The following VHL variants were observed in gnomAD, a reference collection of about 807,000 sequenced individuals.
The protein encoded by VHL is von Hippel-Lindau disease tumor suppressor.
In VHL, 10 loss-of-function variants were observed where a neutral mutation model predicts 19.2. That is an observed-to-expected ratio of 0.52 (90% CI 0.32 to 0.89). The LOEUF (loss-of-function observed/expected upper bound fraction) is 0.89. Ranked by LOEUF, VHL falls within the 40% of genes least tolerant of loss-of-function variation. The probability of loss-of-function intolerance (pLI) is 0.03; values close to 1 mark genes in which losing one functional copy is unlikely to be tolerated. For missense variants in VHL, 328 were observed against 292.7 expected, an observed-to-expected ratio of 1.12 and a Z score of -0.88; for synonymous variants, 167 against 129.5, an observed-to-expected ratio of 1.29 and a Z score of -1.97.
In VHL at chr3:10,153,004, C is replaced by T. The variant is rs564685386; in HGVS notation, c.*3039C>T. Among the ~76,000 whole-genome samples, 77 of 152,016 alleles carry T rather than the reference C, an allele frequency of 5.1e-4. No homozygotes were observed. The highest frequency in any genetic ancestry group is 1.8e-3 in the African/African-American group (73 of 41,502). On this transcript the variant is annotated 3_prime_UTR_variant, in exon 3 of 3. Coordinates refer to ENST00000256474, the MANE Select transcript of VHL (RefSeq NM_000551.4). The stretch of plus-strand genomic sequence containing the variant: ...CTTAAAATACAAAAATTGCCGGCCG[C>T]GGCGGCTCATGCCTGTAATCCCAGC...
chr3:10,142,330 G>C (rs1179716322), intron 1 of VHL, 143 bp downstream of exon 1: 8 of 692,610 alleles, frequency 1.2e-5, no homozygotes, highest in Admixed American at 9.5e-5. Context: ...GCTCGTAAGC[G>C]TCAGAGCATT....
chr3:10,143,326 G>C (rs951113131), intron 1 of VHL, among the ~76,000 whole-genome samples: 1 of 151,750 alleles, frequency 6.6e-6, no homozygotes, highest in Admixed American at 6.6e-5. Flanking sequence ...CGGGGGTTTC[G>C]TCATTTTGGC....
intron 1 of VHL, among the ~76,000 whole-genome samples, chr3:10,143,498 A>G (rs1357745130): frequency 6.6e-6 from 1 of 152,034 alleles, no homozygotes; most frequent in Non-Finnish European, 1.5e-5. Flanking sequence ...GCCAGACTGG[A>G]GTGCTGTTGC....
At chr3:10,144,548 G>T (rs1219691486) in intron 1 of VHL, among the ~76,000 whole-genome samples, 1 of 148,154 alleles carries the variant, frequency 6.7e-6, no homozygotes, top group African/African-American at 2.5e-5. Flanking sequence ...CTGGGCTGGA[G>T]TGTGGAGGCT....
At position 10,150,120 on chromosome 3, in the gene VHL, C is replaced by A; in HGVS notation, c.*155C>A. 6.6e-7 allele frequency: 1 copy of A among 1,514,550 alleles called. No individual in the cohort carries two copies. The highest frequency in any genetic ancestry group is 8.8e-7 in the Non-Finnish European group (1 of 1,131,816). 93.8% of individuals were successfully genotyped at this position (1,514,550 alleles called of 1,614,324 possible). On this transcript the variant is annotated 3_prime_UTR_variant, in exon 3 of 3. Coordinates refer to ENST00000256474, the MANE Select transcript of VHL (RefSeq NM_000551.4). ...TGCTTAAAAGAAAGTTAACTGACTT[C>A]ACTAGGCATTGTGATGTTTAGGGGC...
Position 10,151,234 on chromosome 3 carries a change from C to T in VHL, c.*1269C>T, listed in dbSNP as rs1290200239. The stretch of plus-strand genomic sequence containing the variant: ...CAGGTGGCACTTCCACCTCCAGCCT[C>T]TGGTCCTACCAATGGATTCATGGAG... On this transcript the variant is annotated 3_prime_UTR_variant, in exon 3 of 3. Coordinates refer to ENST00000256474, the MANE Select transcript of VHL (RefSeq NM_000551.4). The T allele has an allele frequency of 4.9e-6, 1 of 204,444 alleles. No individual in the cohort carries two copies. Among genetic ancestry groups the T allele is most frequent in the South Asian group, 1.9e-4 (1 of 5,270 alleles). 12.7% of individuals were successfully genotyped at this position (204,444 alleles called of 1,614,324 possible). A position where few individuals can be genotyped will look rare whatever the true frequency, so the allele number is the denominator to read the frequency against.
At position 10,141,824 on chromosome 3, in the gene VHL, C is replaced by G. The variant is rs1267337599; in HGVS notation, c.-24C>G. The stretch of plus-strand genomic sequence containing the variant: ...CCCGCGGATCCCGCGGCGTCCGGCC[C>G]GGGTGGTCTGGATCGCGGAGGGAAT... On this transcript the variant is annotated 5_prime_UTR_variant, in exon 1 of 3. Coordinates refer to ENST00000256474, the MANE Select transcript of VHL (RefSeq NM_000551.4). 1.1e-5 allele frequency: 17 copies of G among 1,536,524 alleles called. No individual in the cohort carries two copies. The highest frequency in any genetic ancestry group is 2.5e-5 in the East Asian group (1 of 40,424).
Position 10,150,090 on chromosome 3 carries a change from A to G in VHL, c.*125A>G. On this transcript the variant is annotated 3_prime_UTR_variant, in exon 3 of 3. Coordinates refer to ENST00000256474, the MANE Select transcript of VHL (RefSeq NM_000551.4). ...GTCTCATTCTCAGAGTAAAATAGGC[A>G]CCATTGCTTAAAAGAAAGTTAACTG... 6.5e-7 allele frequency: 1 copy of G among 1,534,100 alleles called. No individual in the cohort carries two copies. Among genetic ancestry groups the G allele is most frequent in the Admixed American group, 2.0e-5 (1 of 50,354 alleles).
In VHL at chr3:10,142,977, G is replaced by A. The variant is rs527534541; in HGVS notation, c.340+790G>A. 9.8e-5 allele frequency: 15 copies of A among 152,492 alleles called. No homozygotes were observed. Among genetic ancestry groups the A allele is most frequent in the African/African-American group, 3.4e-4 (14 of 41,576 alleles). The allele number at this position is 152,492 out of a possible 1,614,324, so 9.4% of individuals were successfully genotyped here. Reference sequence around the variant, plus strand: ...TGGTTTCAGTTAAGGAGCACTTCCCGGAGAAGGAAGAGAGCAGGATGGAGT... The same window carrying A: ...TGGTTTCAGTTAAGGAGCACTTCCCAGAGAAGGAAGAGAGCAGGATGGAGT... On this transcript the variant is annotated intron_variant, in intron 1 of 2. Coordinates refer to ENST00000256474, the MANE Select transcript of VHL (RefSeq NM_000551.4).
chr3:10,145,087 G>A (rs372680126), intron 1 of VHL, among the ~76,000 whole-genome samples: 14 of 152,082 alleles, frequency 9.2e-5, no homozygotes, highest in East Asian at 1.9e-4. Context: ...CCAGCTACTC[G>A]GGAGGCTGAG....
chr3:10,144,754 T>A (rs1219330398), intron 1 of VHL, among the ~76,000 whole-genome samples: 2 of 152,038 alleles, frequency 1.3e-5, no homozygotes, highest in African/African-American at 4.8e-5. Context: ...ATCTCTTTTT[T>A]ATTTTTTTAA....
rs148335149 is a variant in VHL at position 10,151,989 on chromosome 3, A to T, written c.*2024A>T. The T allele has an allele frequency of 7.5e-4, 132 of 175,582 alleles. No homozygotes were observed. The highest frequency in any genetic ancestry group is 3.0e-3 in the African/African-American group (126 of 41,580). 10.9% of individuals were successfully genotyped at this position (175,582 alleles called of 1,614,324 possible). On this transcript the variant is annotated 3_prime_UTR_variant, in exon 3 of 3. Coordinates refer to ENST00000256474, the MANE Select transcript of VHL (RefSeq NM_000551.4). The stretch of plus-strand genomic sequence containing the variant: ...GGTGAGAAGATCATTGGAGTTTAGG[A>T]ATTGGAGGCTGCAGTGAGCCATGAG...
In VHL at chr3:10,151,475, A is replaced by G. The variant is rs1182145143; in HGVS notation, c.*1510A>G. 2 of 225,696 alleles carry G rather than the reference A, an allele frequency of 8.9e-6. No homozygotes were observed. The highest frequency in any genetic ancestry group is 2.2e-5 in the African/African-American group (1 of 45,110). The allele number at this position is 225,696 out of a possible 1,614,324, so 14.0% of individuals were successfully genotyped here. ...AAGACAGAAAACTAAAAAGGAAGAA[A>G]AAAGATCCCTATTAGATACACTTCT... On this transcript the variant is annotated 3_prime_UTR_variant, in exon 3 of 3. Coordinates refer to ENST00000256474, the MANE Select transcript of VHL (RefSeq NM_000551.4).
At position 10,150,451 on chromosome 3, in the gene VHL, C is replaced by T. The variant is rs985605362; in HGVS notation, c.*486C>T. ...TTTCTCCTCTTTGAGACCCCAGTGC[C>T]TGCACATCATGAGCCTTCAGTCAGG... On this transcript the variant is annotated 3_prime_UTR_variant, in exon 3 of 3. Transcript: ENST00000256474. 1.2e-6 allele frequency: 1 copy of T among 840,136 alleles called. No individual in the cohort carries two copies. The highest frequency in any genetic ancestry group is 1.6e-6 in the Non-Finnish European group (1 of 643,316). 52.0% of individuals were successfully genotyped at this position (840,136 alleles called of 1,614,324 possible).
At chr3:10,145,705 C>CA (rs35732631) in intron 1 of VHL, among the ~76,000 whole-genome samples, 110,230 of 133,634 alleles carry the variant, frequency 0.82, 45,274 homozygotes, top group Non-Finnish European at 0.87. Context: ...GACTGCATCT[C>CA]AAAAAAAAAA....
chr3:10,150,745 C>T lies in VHL; in HGVS notation c.*780C>T, dbSNP rs1206428980. ...TGATAATAGCATTTTTGTAACTTGC[C>T]ATCCGCACAGAAAATACGAGAAAAT... On this transcript the variant is annotated 3_prime_UTR_variant, in exon 3 of 3. Transcript: ENST00000256474. The T allele has an allele frequency of 8.6e-6, 2 of 233,136 alleles. No homozygotes were observed. The highest frequency in any genetic ancestry group is 1.7e-5 in the Non-Finnish European group (2 of 118,030). 14.4% of individuals were successfully genotyped at this position (233,136 alleles called of 1,614,324 possible).
rs1383623417 is a variant in VHL at position 10,151,763 on chromosome 3, G to T, written c.*1798G>T. ...ATCCTAGCCTTTGGGCACAATTCCT[G>T]TGCTCAAAAATGAGAGTGACGGCTG... On this transcript the variant is annotated 3_prime_UTR_variant, in exon 3 of 3. Transcript: ENST00000256474. 1 of 205,026 alleles carries T rather than the reference G, an allele frequency of 4.9e-6. No individual in the cohort carries two copies. The highest frequency in any genetic ancestry group is 7.5e-5 in the East Asian group (1 of 13,356). 12.7% of individuals were successfully genotyped at this position (205,026 alleles called of 1,614,324 possible). A position where few individuals can be genotyped will look rare whatever the true frequency, so the allele number is the denominator to read the frequency against.
At position 10,151,369 on chromosome 3, in the gene VHL, T is replaced by C; in HGVS notation, c.*1404T>C. 1 of 217,538 alleles carries C rather than the reference T, an allele frequency of 4.6e-6. No individual in the cohort carries two copies. Among genetic ancestry groups the C allele is most frequent in the East Asian group, 6.9e-5 (1 of 14,522 alleles). The allele number at this position is 217,538 out of a possible 1,614,324, so 13.5% of individuals were successfully genotyped here. On this transcript the variant is annotated 3_prime_UTR_variant, in exon 3 of 3. Transcript: ENST00000256474. ...ATCAGACTCAGTTTTTTGTAACTAA[T>C]AGATTTTTTTTTCCACTTTTGTTCT...
intron 1 of VHL, among the ~76,000 whole-genome samples, chr3:10,145,563 G>A (rs544865777): frequency 1.2e-4 from 18 of 152,036 alleles, no homozygotes; most frequent in African/African-American, 3.6e-4. Flanking sequence ...AAAATTAGCC[G>A]GGCGTGGTGG....
Sources: allele counts gnomAD v4.1 joint callset (sites outside exome capture counted in the v4.1 genomes callset), GRCh38; gene constraint gnomAD v4.1.1; transcripts MANE v1.5; gene names NCBI Gene and HGNC (gene_info 2026-07-23, HGNC 2026-07-21).